The following SOX5 variants were observed in gnomAD, a reference collection of about 807,000 sequenced individuals.
The protein encoded by SOX5 is transcription factor SOX-5.
SOX5 carries 9 observed loss-of-function variants against 92.0 expected under a neutral mutation model. The observed-to-expected ratio is 0.10, with a 90% CI of 0.06 to 0.17. SOX5 has a LOEUF of 0.17. Ranked by LOEUF, SOX5 falls within the 10% of genes least tolerant of loss-of-function variation. The pLI, the probability that SOX5 is intolerant of heterozygous loss-of-function variation, is 1.00. For synonymous variants in SOX5, 344 were observed against 336.3 expected (o/e 1.02, Z -0.25); for missense variants, 642 against 944.5 (o/e 0.68, Z 4.20).
At chr12:23,981,725 T>TA (rs1569383567) in intron 4 of SOX5, among the ~76,000 whole-genome samples, 2 of 152,140 alleles carry the variant, frequency 1.3e-5, no homozygotes, top group Non-Finnish European at 2.9e-5. Flanking sequence ...TGAGAGTTTT[T>TA]ATGTACATTT....
chr12:23,561,832 G>T (rs1946263647), intron 11 of SOX5, among the ~76,000 whole-genome samples: 1 of 150,818 alleles, frequency 6.6e-6, no homozygotes. Flanking sequence ...AAAAAAAAAG[G>T]GTACAGATGC....
chr12:24,272,919 GAA>G (rs71059999), intron 3 of SOX5, among the ~76,000 whole-genome samples: 31,469 of 147,268 alleles, frequency 0.21, 3,381 homozygotes, highest in Non-Finnish European at 0.25. Context: ...TCTATCTTTT[GAA>G]AAAAAAAAAA....
At chr12:23,724,416 C>A (rs2093000309) in intron 6 of SOX5, among the ~76,000 whole-genome samples, 1 of 152,120 alleles carries the variant, frequency 6.6e-6, no homozygotes, top group African/African-American at 2.4e-5. Context: ...AAGCAATAGG[C>A]TGCTCCTTCT....
chr12:23,627,729 G>A (rs1429695151), intron 8 of SOX5, among the ~76,000 whole-genome samples: 3 of 152,038 alleles, frequency 2.0e-5, no homozygotes, highest in African/African-American at 7.2e-5. Context: ...TTATCCTAGA[G>A]CTCAAGCTCA....
At chr12:24,458,037 AT>A (rs35345972) in intron 1 of SOX5, among the ~76,000 whole-genome samples, 44,051 of 149,602 alleles carry the variant, frequency 0.29, 6,589 homozygotes, top group Middle Eastern at 0.35. Context: ...CAGGTAAACT[AT>A]TTTTTTTTTT....
In SOX5 at chr12:23,530,998, T is replaced by C. The variant is rs1292306248; in HGVS notation, c.*3221A>G. On this transcript the variant is annotated 3_prime_UTR_variant, in exon 15 of 15. Coordinates refer to ENST00000451604, the MANE Select transcript of SOX5 (RefSeq NM_006940.6). The stretch of plus-strand genomic sequence containing the variant: ...TGGGGCACAGAAAAAGAATACAGGG[T>C]TTTAGGATCCTTTACCAAAATTATA... 6.6e-6 allele frequency: 1 copy of C among 152,084 alleles called. No individual in the cohort carries two copies. The highest frequency in any genetic ancestry group is 1.5e-5 in the Non-Finnish European group (1 of 68,024). 9.4% of individuals were successfully genotyped at this position (152,084 alleles called of 1,614,324 possible). A position where few individuals can be genotyped will look rare whatever the true frequency, so the allele number is the denominator to read the frequency against.
At chr12:24,106,877 G>C (rs926092813) in intron 4 of SOX5, among the ~76,000 whole-genome samples, 1 of 150,486 alleles carries the variant, frequency 6.6e-6, no homozygotes, top group Non-Finnish European at 1.5e-5. Flanking sequence ...AGATTCCAAA[G>C]GATGAGAAAT....
intron 6 of SOX5, among the ~76,000 whole-genome samples, chr12:23,673,196 T>C (rs964399431): frequency 1.3e-5 from 2 of 152,162 alleles, no homozygotes; most frequent in Non-Finnish European, 2.9e-5. Context: ...AAATGGTAAT[T>C]ATTAAAATAT....
At chr12:24,346,565 C>T (rs886100160) in intron 2 of SOX5, among the ~76,000 whole-genome samples, 7 of 151,560 alleles carry the variant, frequency 4.6e-5, no homozygotes, top group African/African-American at 1.7e-4. Flanking sequence ...AATTCTCCTG[C>T]CTCAGCCTCC....
intron 1 of SOX5, among the ~76,000 whole-genome samples, chr12:24,424,555 C>T (rs1378349905): frequency 3.3e-5 from 5 of 152,006 alleles, no homozygotes; most frequent in African/African-American, 1.2e-4. Flanking sequence ...TTGTCTTCCC[C>T]CCACCCCCCA....
At chr12:24,245,328 C>T (rs1938467187) in intron 3 of SOX5, among the ~76,000 whole-genome samples, 2 of 150,350 alleles carry the variant, frequency 1.3e-5, no homozygotes, top group Admixed American at 1.3e-4. Flanking sequence ...TAGCAAATAA[C>T]AGGACTTAGA....
At chr12:24,102,170 C>T (rs1435169286) in intron 4 of SOX5, among the ~76,000 whole-genome samples, 1 of 152,176 alleles carries the variant, frequency 6.6e-6, no homozygotes, top group Non-Finnish European at 1.5e-5. Flanking sequence ...CTGTGTAGCA[C>T]CTGCTGCATG....
intron 4 of SOX5, among the ~76,000 whole-genome samples, chr12:24,064,525 C>G (rs1940322041): frequency 6.6e-6 from 1 of 152,054 alleles, no homozygotes; most frequent in African/African-American, 2.4e-5. Flanking sequence ...GCAGAACAAT[C>G]AGAAATGATT....
At chr12:24,197,552 TGA>T (rs1957123127) in intron 4 of SOX5, among the ~76,000 whole-genome samples, 1 of 151,994 alleles carries the variant, frequency 6.6e-6, no homozygotes, top group Non-Finnish European at 1.5e-5. Context: ...CTTACAGCAA[TGA>T]GATGTAAATG....
In SOX5 at chr12:23,767,726, G is replaced by T. The variant is rs149376784; in HGVS notation, c.482-12002C>A. 5.0e-3 allele frequency among the ~76,000 whole-genome samples: 762 copies of T among 151,966 alleles called. 11 individuals are homozygous for T. Among genetic ancestry groups the T allele is most frequent in the African/African-American group, 0.017 (725 of 41,446 alleles). On this transcript the variant is annotated intron_variant, in intron 3 of 14. Coordinates refer to ENST00000451604, the MANE Select transcript of SOX5 (RefSeq NM_006940.6). Reference sequence around the variant, plus strand: ...AACATGATCTATAAATATTCGAAAGGATAATGAAATATGGGGAAGGCAAGA... The same window carrying T: ...AACATGATCTATAAATATTCGAAAGTATAATGAAATATGGGGAAGGCAAGA...
At chr12:23,937,846 T>C (rs948845323) in intron 1 of SOX5, among the ~76,000 whole-genome samples, 2 of 150,966 alleles carry the variant, frequency 1.3e-5, no homozygotes, top group African/African-American at 4.8e-5. Flanking sequence ...CTATGGTTTT[T>C]CTAAGGTACC....
At chr12:24,001,627 A>G (rs1359305597) in intron 4 of SOX5, among the ~76,000 whole-genome samples, 1 of 151,844 alleles carries the variant, frequency 6.6e-6, no homozygotes, top group African/African-American at 2.4e-5. Context: ...AGACTAGTCT[A>G]GGCAACACAG....
At chr12:23,642,232 G>A (rs1225159312) in intron 7 of SOX5, among the ~76,000 whole-genome samples, 1 of 152,066 alleles carries the variant, frequency 6.6e-6, no homozygotes, top group Non-Finnish European at 1.5e-5. Context: ...GAGTCTCCCA[G>A]GTTATTTTTT....
At chr12:23,731,850 C>T (rs555778285) in intron 6 of SOX5, among the ~76,000 whole-genome samples, 36 of 152,232 alleles carry the variant, frequency 2.4e-4, no homozygotes, top group Non-Finnish European at 3.8e-4. Context: ...CATCAATATA[C>T]GCGTTGTTTT....
Sources: gnomAD v4.1 joint callset for allele counts (sites outside exome capture counted in the v4.1 genomes callset) on GRCh38, gnomAD v4.1.1 for gene constraint, MANE v1.5 for transcripts, NCBI Gene and HGNC (gene_info 2026-07-23, HGNC 2026-07-21) for gene names.